The following ELAPOR2 variants were observed in gnomAD, a reference collection of about 807,000 sequenced individuals.
The protein encoded by ELAPOR2 is endosome-lysosome associated apoptosis and autophagy regulator family member 2, also known as endosome/lysosome-associated apoptosis and autophagy regulator family member 2.
A neutral mutation model predicts 120.7 loss-of-function variants in ELAPOR2; 89 were observed. The observed-to-expected ratio is 0.74, with a 90% CI of 0.62 to 0.88. The LOEUF (loss-of-function observed/expected upper bound fraction) is 0.88. Among genes scored for constraint, ELAPOR2 ranks in the 40% least tolerant of loss-of-function variants. The probability of loss-of-function intolerance (pLI) is 0.00; values close to 1 mark genes in which losing one functional copy is unlikely to be tolerated. For synonymous variants in ELAPOR2, 444 were observed against 444.9 expected (o/e 1.00, Z 0.03); for missense variants, 1,134 against 1,251.6 (o/e 0.91, Z 1.42).
chr7:86,911,870 A>G (rs1306363522), intron 15 of ELAPOR2: 2 of 601,800 alleles, frequency 3.3e-6, no homozygotes, highest in African/African-American at 3.7e-5. Flanking sequence ...GTGATTTGAT[A>G]CACTGAGAAC....
At chr7:86,930,187 G>A (rs1790264940) in intron 8 of ELAPOR2, among the ~76,000 whole-genome samples, 1 of 151,842 alleles carries the variant, frequency 6.6e-6, no homozygotes, top group African/African-American at 2.4e-5. Context: ...TTAAATTGTG[G>A]TGACTATACT....
At chr7:86,933,998 C>A (rs1250443900) in intron 8 of ELAPOR2, among the ~76,000 whole-genome samples, 3 of 151,900 alleles carry the variant, frequency 2.0e-5, no homozygotes, top group Non-Finnish European at 4.4e-5. Context: ...AAGAAGTGGG[C>A]ACTAATTGTT....
intron 12 of ELAPOR2, 119 bp downstream of exon 12, chr7:86,918,323 C>CAAAAA (rs370415220): frequency 2.2e-4 from 39 of 173,922 alleles, no homozygotes; most frequent in East Asian, 5.1e-4. Context: ...CTAAGAATAG[C>CAAAAA]AAAAAAAAAA....
At chr7:86,886,399 T>C (rs994432793) in intron 21 of ELAPOR2, among the ~76,000 whole-genome samples, 1 of 152,136 alleles carries the variant, frequency 6.6e-6, no homozygotes. Flanking sequence ...TCTTTACCTT[T>C]ATGGCCTCAC....
intron 1 of ELAPOR2, among the ~76,000 whole-genome samples, chr7:86,971,798 G>A (rs1024925962): frequency 1.1e-4 from 17 of 152,024 alleles, no homozygotes; most frequent in African/African-American, 3.9e-4. Context: ...ACAGAGATGG[G>A]GATTTAAGCT....
At chr7:86,949,054 C>G (rs138719872) in intron 2 of ELAPOR2, among the ~76,000 whole-genome samples, 5 of 152,156 alleles carry the variant, frequency 3.3e-5, no homozygotes, top group Non-Finnish European at 7.3e-5. Flanking sequence ...GAGCTAAAAT[C>G]CACACACATC....
At chr7:86,929,083 T>A (rs1215264341) in intron 8 of ELAPOR2, among the ~76,000 whole-genome samples, 1 of 151,856 alleles carries the variant, frequency 6.6e-6, no homozygotes, top group African/African-American at 2.4e-5. Context: ...TTTACCAGTT[T>A]ATTATTAAGA....
At chr7:87,017,109 T>C (rs186069200) in intron 1 of ELAPOR2, among the ~76,000 whole-genome samples, 2 of 152,364 alleles carry the variant, frequency 1.3e-5, no homozygotes, top group East Asian at 3.8e-4. Context: ...GTATTTGATT[T>C]TATGTATTAA....
intron 1 of ELAPOR2, among the ~76,000 whole-genome samples, chr7:87,042,921 A>G (rs1398655691): frequency 4.6e-5 from 7 of 152,190 alleles, no homozygotes; most frequent in South Asian, 2.1e-4. Flanking sequence ...AAAAATGATA[A>G]AGGGGATATC....
intron 1 of ELAPOR2, among the ~76,000 whole-genome samples, chr7:87,020,406 G>C (rs150975852): frequency 5.3e-4 from 81 of 152,218 alleles, no homozygotes; most frequent in African/African-American, 1.8e-3. Context: ...GTAAAACAAA[G>C]TGTAGTATAT....
intron 1 of ELAPOR2, among the ~76,000 whole-genome samples, chr7:87,005,555 T>C (rs1309004903): frequency 6.6e-6 from 1 of 152,178 alleles, no homozygotes; most frequent in African/African-American, 2.4e-5. Flanking sequence ...GCTTGAAATA[T>C]AGAGTAACAG....
rs3057442 is a variant in ELAPOR2 at position 86,924,374 on chromosome 7, TACACAC to T, written c.1399+1148_1399+1153del. Among the ~76,000 whole-genome samples the T allele has an allele frequency of 2.8e-3, 410 of 145,326 alleles. 2 individuals are homozygous for T. Among genetic ancestry groups the T allele is most frequent in the African/African-American group, 9.8e-3 (387 of 39,650 alleles). Reference sequence around the variant, plus strand: ...CAGGTAATCTTTACTAGTAAGTGAATACACACACACACACACACACACACACACACA... The same window carrying T: ...CAGGTAATCTTTACTAGTAAGTGAATACACACACACACACACACACACACA... On this transcript the variant is annotated intron_variant, in intron 10 of 21. Transcript: ENST00000450689.
At position 87,001,105 on chromosome 7, in the gene ELAPOR2, C is replaced by T. The variant is rs565055101; in HGVS notation, c.190-36081G>A. On this transcript the variant is annotated intron_variant, in intron 1 of 21. Transcript: ENST00000450689. ...AACATAAAGGAAACCTTGGTCCACC[C>T]GGAAGAAGTAGAAAGCCTACTACAT... 1.5e-4 allele frequency among the ~76,000 whole-genome samples: 23 copies of T among 152,206 alleles called. 1 individual carries two copies. Among genetic ancestry groups the T allele is most frequent in the Middle Eastern group, 3.4e-3 (1 of 294 alleles).
intron 1 of ELAPOR2, among the ~76,000 whole-genome samples, chr7:87,019,598 G>A (rs1233407781): frequency 1.3e-5 from 2 of 152,112 alleles, no homozygotes; most frequent in Admixed American, 1.3e-4. Flanking sequence ...TTTAAAATAT[G>A]AACTGGACAC....
At chr7:86,942,148 C>T (rs1790826667) in intron 4 of ELAPOR2, 44 bp from the exon 5 acceptor site, 2 of 1,139,676 alleles carry the variant, frequency 1.8e-6, no homozygotes, top group African/African-American at 1.5e-5. Context: ...TCTTGAATAA[C>T]AGCTTTAATT....
chr7:86,911,898 G>A (rs1398725085), intron 15 of ELAPOR2, 174 bp downstream of exon 15: 1 of 658,974 alleles, frequency 1.5e-6, no homozygotes, highest in East Asian at 2.7e-5. Context: ...GGTTGCCCCT[G>A]GTGGAGAAAT....
At position 86,876,964 on chromosome 7, in the gene ELAPOR2, T is replaced by C. The variant is rs1799190993; in HGVS notation, c.*3507A>G. 6.6e-6 allele frequency: 1 copy of C among 152,196 alleles called. No individual in the cohort carries two copies. Among genetic ancestry groups the C allele is most frequent in the African/African-American group, 2.4e-5 (1 of 41,456 alleles). 9.4% of individuals were successfully genotyped at this position (152,196 alleles called of 1,614,324 possible). A position where few individuals can be genotyped will look rare whatever the true frequency, so the allele number is the denominator to read the frequency against. ...GCAGCCACGCCCATCCATTTACATT[T>C]TGTATGTGGTTGCTTTCATACTACA... On this transcript the variant is annotated 3_prime_UTR_variant, in exon 22 of 22. Transcript: ENST00000450689.
intron 1 of ELAPOR2, among the ~76,000 whole-genome samples, chr7:87,045,812 A>G (rs1794936870): frequency 6.6e-6 from 1 of 151,910 alleles, no homozygotes; most frequent in Admixed American, 6.5e-5. Context: ...CCTCAACGTA[A>G]TAAAAGCCAT....
intron 1 of ELAPOR2, among the ~76,000 whole-genome samples, chr7:87,051,105 A>G (rs7798759): frequency 0.57 from 86,040 of 151,962 alleles, 25,067 homozygotes; most frequent in East Asian, 0.76. Flanking sequence ...CTATCCACAT[A>G]TAGGTGATAT....
Sources: allele counts gnomAD v4.1 joint callset (sites outside exome capture counted in the v4.1 genomes callset), GRCh38; gene constraint gnomAD v4.1.1; transcripts MANE v1.5; gene names NCBI Gene and HGNC (gene_info 2026-07-23, HGNC 2026-07-21).